ASTN2: variants seen among roughly 807,000 people sequenced by gnomAD.
The protein encoded by ASTN2 is astrotactin 2.
ASTN2 carries 54 observed loss-of-function variants against 139.8 expected under a neutral mutation model. The ratio of observed to expected loss-of-function variants is 0.39; its 90% CI spans 0.31 to 0.48. The LOEUF is 0.48. Ranked by LOEUF, ASTN2 falls within the 20% of genes least tolerant of loss-of-function variation. The pLI is 0.95. For missense variants in ASTN2, 1,565 were observed against 1,725.1 expected, an observed-to-expected ratio of 0.91 and a Z score of 1.64; for synonymous variants, 756 against 719.5, an observed-to-expected ratio of 1.05 and a Z score of -0.81.
At chr9:116,553,126 C>T (rs966730185) in intron 19 of ASTN2, among the ~76,000 whole-genome samples, 7 of 152,076 alleles carry the variant, frequency 4.6e-5, no homozygotes, top group African/African-American at 9.7e-5. Flanking sequence ...GTTCCCCCTT[C>T]CTCCTCTTTC....
intron 10 of ASTN2, among the ~76,000 whole-genome samples, chr9:116,875,970 C>A (rs2132360181): frequency 6.6e-6 from 1 of 152,244 alleles, no homozygotes. Flanking sequence ...GCAGCCCATG[C>A]ATGAAGAAGT....
intron 6 of ASTN2, among the ~76,000 whole-genome samples, chr9:117,009,027 T>C (rs542674480): frequency 2.0e-5 from 3 of 151,748 alleles, no homozygotes; most frequent in Non-Finnish European, 2.9e-5. Flanking sequence ...GGCAAAACAA[T>C]AGGGAGAAGG....
At chr9:116,897,504 A>T (rs149249169) in intron 10 of ASTN2, among the ~76,000 whole-genome samples, 1 of 152,320 alleles carries the variant, frequency 6.6e-6, no homozygotes, top group Non-Finnish European at 1.5e-5. Context: ...CAAGTGCTTG[A>T]ACATACACAC....
At chr9:116,860,382 T>C (rs187345977) in intron 11 of ASTN2, among the ~76,000 whole-genome samples, 32 of 152,348 alleles carry the variant, frequency 2.1e-4, no homozygotes, top group African/African-American at 7.5e-4. Context: ...ATCTCACTCA[T>C]AAATGGTACT....
At chr9:117,037,933 C>A (rs186226235) in intron 6 of ASTN2, among the ~76,000 whole-genome samples, 25 of 152,258 alleles carry the variant, frequency 1.6e-4, no homozygotes, top group Admixed American at 3.9e-4. Flanking sequence ...CCCCACCACA[C>A]ATTTACTTGT....
At chr9:116,789,354 G>T (rs973587115) in intron 13 of ASTN2, among the ~76,000 whole-genome samples, 1 of 152,210 alleles carries the variant, frequency 6.6e-6, no homozygotes, top group Non-Finnish European at 1.5e-5. Flanking sequence ...AATGCCTGTA[G>T]CTTTGACTCC....
intron 2 of ASTN2, among the ~76,000 whole-genome samples, chr9:117,246,973 G>A (rs1449589377): frequency 6.6e-6 from 1 of 152,098 alleles, no homozygotes; most frequent in East Asian, 1.9e-4. Flanking sequence ...GAAGGTCCAT[G>A]GATTCTATCT....
At chr9:116,999,358 G>A (rs755929048) in intron 7 of ASTN2, among the ~76,000 whole-genome samples, 16 of 151,956 alleles carry the variant, frequency 1.1e-4, no homozygotes, top group Non-Finnish European at 2.2e-4. Context: ...ACTAGATGAT[G>A]GCTAGGAACT....
intron 20 of ASTN2, among the ~76,000 whole-genome samples, chr9:116,472,889 T>C (rs1286941928): frequency 1.4e-5 from 2 of 145,596 alleles, no homozygotes; most frequent in African/African-American, 5.1e-5. Flanking sequence ...ATTGTGCCAC[T>C]GCACTCCAGC....
At chr9:116,749,907 G>A (rs1230495336) in intron 13 of ASTN2, among the ~76,000 whole-genome samples, 2 of 152,126 alleles carry the variant, frequency 1.3e-5, no homozygotes, top group Non-Finnish European at 2.9e-5. Context: ...ATACTTGTAA[G>A]CTTCCTGAGG....
intron 6 of ASTN2, among the ~76,000 whole-genome samples, chr9:117,016,654 A>ATGTTACATATATATAGGT (rs1837707105): frequency 4.0e-5 from 4 of 100,062 alleles, no homozygotes; most frequent in African/African-American, 1.5e-4. Flanking sequence ...ATATATATAT[A>ATGTTACATATATATAGGT]TAACCTATAT....
chr9:117,212,117 A>C (rs966376753), intron 3 of ASTN2, among the ~76,000 whole-genome samples: 1 of 152,210 alleles, frequency 6.6e-6, no homozygotes, highest in African/African-American at 2.4e-5. Context: ...ATTTATTTAC[A>C]GTCTACTGAC....
intron 1 of ASTN2, among the ~76,000 whole-genome samples, chr9:117,346,010 C>CAAAAAAAAAAAAAAAAAAA (rs35773511): frequency 7.9e-4 from 73 of 92,278 alleles, no homozygotes; most frequent in East Asian, 4.0e-3. Flanking sequence ...AACTAAGAGG[C>CAAAAAAAAAAAAAAAAAAA]AAAAAAAAAA....
At chr9:117,100,503 G>A (rs968121067) in intron 4 of ASTN2, among the ~76,000 whole-genome samples, 1 of 152,158 alleles carries the variant, frequency 6.6e-6, no homozygotes, top group African/African-American at 2.4e-5. Flanking sequence ...TTAACATAAA[G>A]TTATTACCGA....
chr9:116,487,289 C>T, intron 20 of ASTN2, 70 bp downstream of exon 20: 1 of 1,576,684 alleles, frequency 6.3e-7, no homozygotes, highest in South Asian at 1.2e-5. Flanking sequence ...CAGAATAACT[C>T]ATGCCATTCC....
At chr9:116,829,152 A>G (rs1831730360) in intron 11 of ASTN2, among the ~76,000 whole-genome samples, 1 of 152,012 alleles carries the variant, frequency 6.6e-6, no homozygotes, top group Non-Finnish European at 1.5e-5. Context: ...AGCATTAGAA[A>G]AAAAATCCTA....
At chr9:116,512,633 G>A (rs535612064) in intron 19 of ASTN2, among the ~76,000 whole-genome samples, 10 of 152,264 alleles carry the variant, frequency 6.6e-5, no homozygotes, top group Non-Finnish European at 1.0e-4. Context: ...TTATATGGGA[G>A]TCTAAGTCTC....
At chr9:116,559,009 G>A (rs774917142) in intron 19 of ASTN2, among the ~76,000 whole-genome samples, 1 of 152,206 alleles carries the variant, frequency 6.6e-6, no homozygotes, top group Non-Finnish European at 1.5e-5. Flanking sequence ...ACATGCAACA[G>A]ATTGTTGCCT....
Position 117,214,712 on chromosome 9 carries a change from G to C in ASTN2, c.661C>G (p.Leu221Val), listed in dbSNP as rs1252370323. ...GCGTACAGCGCCACGGTGAACACCA[G>C]CAGCAGCAGCAGCAGCGCGATGAGG... ...GGLIALLLLLLVFTVALYAQR... is the reference protein window; with the variant it reads ...GGLIALLLLLVVFTVALYAQR... The change falls in exon 3 of 23, where the codon CTG (leucine) becomes GTG (valine). Residue 221 changes from leucine (L) to valine (V), a missense_variant. Physicochemically the swap from Leu to Val is conservative, Grantham distance 32. Transcript: ENST00000313400. 25 of 1,363,492 alleles carry C rather than the reference G, an allele frequency of 1.8e-5. No individual in the cohort carries two copies. The highest frequency in any genetic ancestry group is 2.5e-5 in the Admixed American group (1 of 40,316). The allele number at this position is 1,363,492 out of a possible 1,614,324, so 84.5% of individuals were successfully genotyped here. A position where few individuals can be genotyped will look rare whatever the true frequency, so the allele number is the denominator to read the frequency against.
Sources: allele counts gnomAD v4.1 joint callset (sites outside exome capture counted in the v4.1 genomes callset), GRCh38; gene constraint gnomAD v4.1.1; transcripts MANE v1.5; gene names NCBI Gene and HGNC (gene_info 2026-07-23, HGNC 2026-07-21).